Variants in RFLNA observed in about 807,000 individuals in gnomAD.
RFLNA encodes refilin-A.
A neutral mutation model predicts 7.8 loss-of-function variants in RFLNA; 5 were observed. The observed-to-expected ratio is 0.64, with a 90% CI of 0.34 to 1.35. RFLNA has a LOEUF of 1.35. Ranked by LOEUF, RFLNA falls within the 40% of genes most tolerant of loss-of-function variation. RFLNA has a pLI of 0.04. For missense variants in RFLNA, 278 were observed against 305.5 expected (o/e 0.91, Z 0.67); for synonymous variants, 141 against 131.3 (o/e 1.07, Z -0.50).
At chr12:124,300,962 GGATGGATA>G (rs374367387) in intron 1 of RFLNA, among the ~76,000 whole-genome samples, 2 of 152,030 alleles carry the variant, frequency 1.3e-5, no homozygotes, top group Non-Finnish European at 2.9e-5. Context: ...ATGGATTGAT[GGATGGATA>G]GATGGATGGA....
At chr12:124,301,797 A>G (rs527413081) in intron 1 of RFLNA, among the ~76,000 whole-genome samples, 2 of 152,220 alleles carry the variant, frequency 1.3e-5, no homozygotes, top group East Asian at 3.9e-4. Flanking sequence ...CCCTAGGTTG[A>G]CGGCCCCCAC....
intron 1 of RFLNA, among the ~76,000 whole-genome samples, chr12:124,305,322 C>A (rs1454482064): frequency 6.6e-6 from 1 of 152,180 alleles, no homozygotes; most frequent in Non-Finnish European, 1.5e-5. Context: ...CTCAGCTGTG[C>A]CGAAGCCTGG....
intron 1 of RFLNA, among the ~76,000 whole-genome samples, chr12:124,298,712 G>A (rs939448525): frequency 2.0e-5 from 3 of 152,242 alleles, no homozygotes; most frequent in Admixed American, 1.3e-4. Flanking sequence ...GGTGGATGGA[G>A]AAGTGTCCTT....
At chr12:124,292,026 C>A (rs1042938746), upstream of RFLNA, among the ~76,000 whole-genome samples, 4 of 152,206 alleles carry the variant, frequency 2.6e-5, no homozygotes, top group African/African-American at 9.6e-5. Flanking sequence ...CAGGGATACC[C>A]CAATACCTCT....
intron 1 of RFLNA, among the ~76,000 whole-genome samples, chr12:124,308,173 G>T (rs770962437): frequency 4.6e-5 from 7 of 152,058 alleles, no homozygotes; most frequent in Middle Eastern, 3.2e-3. Flanking sequence ...GTAGAGACAG[G>T]GTTTCACCAG....
In RFLNA at chr12:124,300,790, G is replaced by T. The variant is rs1206817881; in HGVS notation, c.207+5154G>T. On this transcript the variant is annotated intron_variant, in intron 1 of 2. Coordinates refer to ENST00000546355, the MANE Select transcript of RFLNA (RefSeq NM_001365156.1). ...TGGATGGATTGACGGATGGATGGAT[G>T]GATGGATGGATGGATGGATGGATGG... Among the ~76,000 whole-genome samples, 4 of 149,904 alleles carry T rather than the reference G, an allele frequency of 2.7e-5. No individual in the cohort carries two copies. The East Asian group carries it at 7.9e-4, about 29-fold the overall frequency.
intron 1 of RFLNA, among the ~76,000 whole-genome samples, chr12:124,308,286 T>TCC (rs2034173123): frequency 6.6e-6 from 1 of 152,230 alleles, no homozygotes; most frequent in South Asian, 2.1e-4. Flanking sequence ...CCGGCCTGTG[T>TCC]CCACGCTTCT....
Position 124,315,606 on chromosome 12 carries a change from G to A in RFLNA, c.*1081G>A, listed in dbSNP as rs1445354174. On this transcript the variant is annotated 3_prime_UTR_variant, in exon 3 of 3. Coordinates refer to ENST00000546355, the MANE Select transcript of RFLNA (RefSeq NM_001365156.1). ...GGAACATGAGCCAGACAAAGACTTG[G>A]CTCAGGGCTCCGTGGAACAAGCCAG... 6.6e-6 allele frequency: 1 copy of A among 152,266 alleles called. No homozygotes were observed. Among genetic ancestry groups the A allele is most frequent in the Non-Finnish European group, 1.5e-5 (1 of 68,066 alleles). The allele number at this position is 152,266 out of a possible 1,614,324, so 9.4% of individuals were successfully genotyped here.
intron 1 of RFLNA, among the ~76,000 whole-genome samples, chr12:124,308,457 C>A (rs555110472): frequency 6.6e-5 from 10 of 151,244 alleles, no homozygotes; most frequent in African/African-American, 2.2e-4. Context: ...TCTACCCACA[C>A]TGCCCTTGTC....
At chr12:124,291,245 A>T (rs1036248681), upstream of RFLNA, among the ~76,000 whole-genome samples, 11 of 151,968 alleles carry the variant, frequency 7.2e-5, no homozygotes, top group Admixed American at 2.0e-4. Flanking sequence ...TTTATGATTT[A>T]TCTTTTATTT....
chr12:124,295,748 C>T (rs912212724), intron 1 of RFLNA, 112 bp downstream of exon 1: 6 of 1,085,662 alleles, frequency 5.5e-6, no homozygotes, highest in Middle Eastern at 3.4e-4. Context: ...CCTCTACCTG[C>T]CCCGCAACCA....
intron 1 of RFLNA, among the ~76,000 whole-genome samples, chr12:124,301,311 A>G (rs2034033762): frequency 6.6e-6 from 1 of 152,232 alleles, no homozygotes; most frequent in South Asian, 2.1e-4. Flanking sequence ...CCCAGCTGAG[A>G]AACTCAGCTA....
rs2034325817 is a variant in RFLNA, at chr12:124,314,969, G to A, written c.*444G>A. 3.1e-6 allele frequency: 1 copy of A among 319,148 alleles called. No homozygotes were observed. The highest frequency in any genetic ancestry group is 2.2e-5 in the African/African-American group (1 of 46,440). 19.8% of individuals were successfully genotyped at this position (319,148 alleles called of 1,614,324 possible). A position where few individuals can be genotyped will look rare whatever the true frequency, so the allele number is the denominator to read the frequency against. On this transcript the variant is annotated 3_prime_UTR_variant, in exon 3 of 3. Coordinates refer to ENST00000546355, the MANE Select transcript of RFLNA (RefSeq NM_001365156.1). Reference sequence around the variant, plus strand: ...CCATGTGTCCTAGGCTGGTGGCCAAGGCCATGTGTGAGGGAAGAGGGGTAC... The same window carrying A: ...CCATGTGTCCTAGGCTGGTGGCCAAAGCCATGTGTGAGGGAAGAGGGGTAC...
At position 124,314,256 on chromosome 12, in the gene RFLNA, G is replaced by A. The variant is rs139818421; in HGVS notation, c.382G>A (p.Val128Ile). The change falls in exon 3 of 3, where the codon GTA (valine) becomes ATA (isoleucine). Residue 128 changes from valine to isoleucine, a missense_variant. Val to Ile is a conservative substitution (Grantham distance 29). Coordinates refer to ENST00000546355, the MANE Select transcript of RFLNA (RefSeq NM_001365156.1). ...CCAGGACAAGGTCTTCTATGCGCCCGTACCCACCGTCACGGCCTACAGCGA... is the reference window on the plus strand; with the variant it reads ...CCAGGACAAGGTCTTCTATGCGCCCATACCCACCGTCACGGCCTACAGCGA... ...HFQDKVFYAPVPTVTAYSETI... is the reference protein window; with the variant it reads ...HFQDKVFYAPIPTVTAYSETI... The A allele has an allele frequency of 4.5e-5, 73 of 1,613,600 alleles. 1 individual carries two copies. The highest frequency in any genetic ancestry group is 2.3e-4 in the African/African-American group (17 of 75,046).
intron 1 of RFLNA, among the ~76,000 whole-genome samples, chr12:124,301,108 G>T (rs2034029166): frequency 6.6e-6 from 1 of 152,214 alleles, no homozygotes; most frequent in Admixed American, 6.5e-5. Flanking sequence ...TAAGGTGGAA[G>T]ACAGCCAGGT....
intron 1 of RFLNA, among the ~76,000 whole-genome samples, chr12:124,309,606 C>T (rs565084767): frequency 7.2e-5 from 11 of 152,342 alleles, no homozygotes; most frequent in Non-Finnish European, 1.2e-4. Flanking sequence ...GAAAAATAGG[C>T]GGGTTATTTA....
chr12:124,291,467 GGCTGGTCTCAAACTCCTGACCTCAGTT>G (rs2033824022), upstream of RFLNA, among the ~76,000 whole-genome samples: 1 of 152,112 alleles, frequency 6.6e-6, no homozygotes, highest in Admixed American at 6.5e-5. Flanking sequence ...ATGTTGGTCA[GGCTGGTCTCAAACTCCTGACCTCAGTT>G]GATCCACGCA....
chr12:124,291,695 C>A (rs1011815343), upstream of RFLNA, among the ~76,000 whole-genome samples: 4 of 151,508 alleles, frequency 2.6e-5, no homozygotes, highest in African/African-American at 4.9e-5. Context: ...GAACAAGTGG[C>A]AAATGGCTCT....
chr12:124,308,777 TCTC>T (rs939497832), intron 1 of RFLNA, among the ~76,000 whole-genome samples: 4 of 152,200 alleles, frequency 2.6e-5, no homozygotes, highest in African/African-American at 9.7e-5. Flanking sequence ...TGAGGCCTCT[TCTC>T]TGAGGGCCTC....
Sources: gnomAD v4.1 joint callset for allele counts (sites outside exome capture counted in the v4.1 genomes callset) on GRCh38, gnomAD v4.1.1 for gene constraint, MANE v1.5 for transcripts, NCBI Gene and HGNC (gene_info 2026-07-23, HGNC 2026-07-21) for gene names.